The following ZNRF3 variants were observed in gnomAD, a reference collection of about 807,000 sequenced individuals.
ZNRF3 encodes zinc and ring finger 3.
In ZNRF3, 23 loss-of-function variants were observed where a neutral mutation model predicts 72.5. That is an observed-to-expected ratio of 0.32 (90% CI 0.23 to 0.45). The LOEUF is 0.45. Among genes scored for constraint, ZNRF3 ranks in the 20% least tolerant of loss-of-function variants. The pLI, the probability that ZNRF3 is intolerant of heterozygous loss-of-function variation, is 1.00. For synonymous variants in ZNRF3, 610 were observed against 545.3 expected (o/e 1.12, Z -1.65); for missense variants, 1,169 against 1,272.1 (o/e 0.92, Z 1.23).
chr22:29,004,786 G>A (rs1046736965), intron 2 of ZNRF3, among the ~76,000 whole-genome samples: 5 of 152,142 alleles, frequency 3.3e-5, no homozygotes, highest in Admixed American at 1.3e-4. Flanking sequence ...ATCACCTCCC[G>A]CCCGGTTCCA....
intron 5 of ZNRF3, among the ~76,000 whole-genome samples, chr22:29,045,345 A>G (rs2037047120): frequency 7.0e-6 from 1 of 143,070 alleles, no homozygotes; most frequent in African/African-American, 2.6e-5. Flanking sequence ...TGGGTAACAG[A>G]GTAAGACCCT....
intron 1 of ZNRF3, among the ~76,000 whole-genome samples, chr22:28,961,450 G>A (rs2035357669): frequency 6.6e-6 from 1 of 152,238 alleles, no homozygotes; most frequent in South Asian, 2.1e-4. Context: ...AACAGTGATA[G>A]TGAGCTGGAG....
intron 1 of ZNRF3, among the ~76,000 whole-genome samples, chr22:28,949,505 C>T (rs924658238): frequency 6.6e-6 from 1 of 152,124 alleles, no homozygotes; most frequent in Non-Finnish European, 1.5e-5. Flanking sequence ...TCTCAAAACT[C>T]CTGAGCTCAA....
intron 1 of ZNRF3, among the ~76,000 whole-genome samples, chr22:28,948,341 AT>A (rs2035092084): frequency 6.6e-6 from 1 of 150,976 alleles, no homozygotes; most frequent in Non-Finnish European, 1.5e-5. Context: ...TTTAAAAAAA[AT>A]TTTTGTAGAG....
chr22:29,036,897 G>A (rs2036876385), intron 2 of ZNRF3, among the ~76,000 whole-genome samples: 1 of 152,096 alleles, frequency 6.6e-6, no homozygotes, highest in African/African-American at 2.4e-5. Flanking sequence ...AAAGCCAGAA[G>A]GCAAAATTGT....
chr22:28,918,304 G>C (rs1179557179), intron 1 of ZNRF3, among the ~76,000 whole-genome samples: 1 of 152,192 alleles, frequency 6.6e-6, no homozygotes, highest in African/African-American at 2.4e-5. Context: ...TAGGAGAAGC[G>C]GTGAAGGGTA....
At chr22:29,003,919 G>T (rs2036196787) in intron 2 of ZNRF3, among the ~76,000 whole-genome samples, 2 of 152,240 alleles carry the variant, frequency 1.3e-5, no homozygotes, top group African/African-American at 4.8e-5. Flanking sequence ...CTTAGGTTGG[G>T]CTTTCTTTTA....
At position 28,982,661 on chromosome 22, in the gene ZNRF3, T is replaced by C. The variant is rs184559286; in HGVS notation, c.301-4415T>C. ...CCCATAAAATGCAAATGAAATGGTATGTTCATTTGCATTTTATGCCTTTGC... is the reference window on the plus strand; with the variant it reads ...CCCATAAAATGCAAATGAAATGGTACGTTCATTTGCATTTTATGCCTTTGC... On this transcript the variant is annotated intron_variant, in intron 1 of 8. Coordinates refer to ENST00000544604, the MANE Select transcript of ZNRF3 (RefSeq NM_001206998.2). Among the ~76,000 whole-genome samples, 407 of 152,068 alleles carry C rather than the reference T, an allele frequency of 2.7e-3. 5 individuals carry two copies. Among genetic ancestry groups the C allele is most frequent in the African/African-American group, 9.4e-3 (389 of 41,472 alleles).
At position 29,053,870 on chromosome 22, in the gene ZNRF3, T is replaced by C; in HGVS notation, c.*248T>C. On this transcript the variant is annotated 3_prime_UTR_variant, in exon 9 of 9. Coordinates refer to ENST00000544604, the MANE Select transcript of ZNRF3 (RefSeq NM_001206998.2). ...CTTTTGATAACATGTTGTTCTGTTT[T>C]GTAAAGTGTGTGTGCTTGGGGTTCC... is the stretch of plus-strand genomic sequence containing the variant. The C allele has an allele frequency of 2.5e-6, 1 of 394,420 alleles. No individual in the cohort carries two copies. 24.4% of individuals were successfully genotyped at this position (394,420 alleles called of 1,614,324 possible). A position where few individuals can be genotyped will look rare whatever the true frequency, so the allele number is the denominator to read the frequency against.
intron 1 of ZNRF3, among the ~76,000 whole-genome samples, chr22:28,929,757 G>A (rs1463274449): frequency 1.3e-5 from 2 of 152,186 alleles, no homozygotes; most frequent in Non-Finnish European, 2.9e-5. Flanking sequence ...ATCTGATACT[G>A]TTGGGACCTG....
At chr22:28,963,258 C>T (rs1365728220) in intron 1 of ZNRF3, among the ~76,000 whole-genome samples, 5 of 152,250 alleles carry the variant, frequency 3.3e-5, no homozygotes, top group African/African-American at 1.2e-4. Flanking sequence ...GGGCAGAGGG[C>T]CCCAGAGAGG....
intron 1 of ZNRF3, among the ~76,000 whole-genome samples, chr22:28,893,744 C>T (rs577623958): frequency 2.6e-5 from 4 of 152,310 alleles, no homozygotes; most frequent in South Asian, 2.1e-4. Flanking sequence ...GCAATTCACC[C>T]GCCTTGGCCT....
chr22:29,029,175 A>G (rs868023760), intron 2 of ZNRF3, among the ~76,000 whole-genome samples: 14 of 152,220 alleles, frequency 9.2e-5, no homozygotes, highest in Non-Finnish European at 1.6e-4. Context: ...AGCTCCAAGG[A>G]GTTGGAAAGC....
At chr22:29,001,189 C>T (rs1337059351) in intron 2 of ZNRF3, among the ~76,000 whole-genome samples, 1 of 150,884 alleles carries the variant, frequency 6.6e-6, no homozygotes, top group Non-Finnish European at 1.5e-5. Context: ...CTGCCTCAGC[C>T]TCCCGAGTAG....
chr22:28,958,549 G>A (rs2035299975), intron 1 of ZNRF3, among the ~76,000 whole-genome samples: 1 of 152,182 alleles, frequency 6.6e-6, no homozygotes, highest in Admixed American at 6.5e-5. Flanking sequence ...CCATGGGGCA[G>A]TAATCACTCT....
At chr22:28,926,797 CAA>C (rs747908278) in intron 1 of ZNRF3, among the ~76,000 whole-genome samples, 14 of 77,422 alleles carry the variant, frequency 1.8e-4, no homozygotes, top group Admixed American at 1.5e-4. Context: ...AACTCCATCT[CAA>C]AAAAAAAAAA....
chr22:29,052,786 G>A (rs2037230889), intron 8 of ZNRF3, among the ~76,000 whole-genome samples: 1 of 151,734 alleles, frequency 6.6e-6, no homozygotes, highest in Non-Finnish European at 1.5e-5. Context: ...CCAGCCTGGG[G>A]AACATAGAAT....
intron 2 of ZNRF3, among the ~76,000 whole-genome samples, chr22:29,037,375 T>C (rs2036885763): frequency 6.6e-6 from 1 of 152,218 alleles, no homozygotes; most frequent in Non-Finnish European, 1.5e-5. Flanking sequence ...TCATAATTGG[T>C]ACATTTGCAC....
intron 1 of ZNRF3, among the ~76,000 whole-genome samples, chr22:28,927,605 G>C (rs2034628027): frequency 6.6e-6 from 1 of 152,216 alleles, no homozygotes; most frequent in Non-Finnish European, 1.5e-5. Flanking sequence ...TTGTATGTGT[G>C]TGTAAGGTCT....
Sources: gnomAD v4.1 joint callset for allele counts (sites outside exome capture counted in the v4.1 genomes callset) on GRCh38, gnomAD v4.1.1 for gene constraint, MANE v1.5 for transcripts, NCBI Gene and HGNC (gene_info 2026-07-23, HGNC 2026-07-21) for gene names.